The following JAKMIP2 variants were observed in gnomAD, a reference collection of about 807,000 sequenced individuals.
The protein encoded by JAKMIP2 is janus kinase and microtubule-interacting protein 2.
A neutral mutation model predicts 115.0 loss-of-function variants in JAKMIP2; 25 were observed. The observed-to-expected ratio is 0.22, with a 90% confidence interval of 0.16 to 0.30. The LOEUF (loss-of-function observed/expected upper bound fraction) is 0.30, where lower values mean the gene tolerates loss of function less well. JAKMIP2 is among the 10% of genes least tolerant of loss of function. The pLI is 1.00. For missense variants in JAKMIP2, 642 were observed against 957.6 expected (o/e 0.67, Z 4.35); for synonymous variants, 334 against 343.6 (o/e 0.97, Z 0.31).
chr5:147,687,781 T>C (rs1760641904), intron 1 of JAKMIP2, among the ~76,000 whole-genome samples: 1 of 152,214 alleles, frequency 6.6e-6, no homozygotes, highest in Non-Finnish European at 1.5e-5. Context: ...AATAACTCTA[T>C]TGCAATCTTT....
At chr5:147,761,981 T>G (rs180731157) in intron 1 of JAKMIP2, among the ~76,000 whole-genome samples, 4 of 152,156 alleles carry the variant, frequency 2.6e-5, no homozygotes, top group Admixed American at 2.6e-4. Flanking sequence ...AAAATACATA[T>G]GTCTTATGAA....
chr5:147,611,306 C>T (rs1165085920), intron 20 of JAKMIP2, among the ~76,000 whole-genome samples: 3 of 152,160 alleles, frequency 2.0e-5, no homozygotes, highest in African/African-American at 4.8e-5. Context: ...ACCCAGGGCC[C>T]TTGTGGTGTA....
At chr5:147,639,396 GC>G (rs962863773) in intron 10 of JAKMIP2, among the ~76,000 whole-genome samples, 4 of 152,162 alleles carry the variant, frequency 2.6e-5, no homozygotes, top group Non-Finnish European at 5.9e-5. Context: ...TTTTCAAACA[GC>G]AAGAACAAGA....
At chr5:147,644,752 A>G in intron 6 of JAKMIP2, 98 bp downstream of exon 6, 1 of 1,090,340 alleles carries the variant, frequency 9.2e-7, no homozygotes, top group Non-Finnish European at 1.3e-6. Flanking sequence ...TCCAAATAGC[A>G]CTGTATTTTT....
At chr5:147,671,385 T>G (rs1263322842) in intron 2 of JAKMIP2, among the ~76,000 whole-genome samples, 1 of 152,150 alleles carries the variant, frequency 6.6e-6, no homozygotes, top group Non-Finnish European at 1.5e-5. Flanking sequence ...CTATTAAGTG[T>G]TTGGCGGTGG....
chr5:147,664,476 C>T (rs1759194776), intron 2 of JAKMIP2, among the ~76,000 whole-genome samples: 1 of 152,150 alleles, frequency 6.6e-6, no homozygotes, highest in South Asian at 2.1e-4. Flanking sequence ...CACATGCCTG[C>T]ATCTCGTACC....
intron 1 of JAKMIP2, among the ~76,000 whole-genome samples, chr5:147,763,185 T>C (rs771604868): frequency 6.6e-6 from 1 of 152,022 alleles, no homozygotes; most frequent in South Asian, 2.1e-4. Context: ...AGAGGAGAAA[T>C]TGGTAAGGGG....
At chr5:147,663,989 C>T (rs144610999) in intron 2 of JAKMIP2, among the ~76,000 whole-genome samples, 2 of 152,182 alleles carry the variant, frequency 1.3e-5, no homozygotes, top group East Asian at 1.9e-4. Flanking sequence ...AGACTTAGTG[C>T]GAGGTAAAGA....
chr5:147,678,798 C>A (rs1161118755), intron 1 of JAKMIP2, among the ~76,000 whole-genome samples: 1 of 151,776 alleles, frequency 6.6e-6, no homozygotes, highest in Non-Finnish European at 1.5e-5. Flanking sequence ...TATGTATATA[C>A]CTACTACATA....
intron 12 of JAKMIP2, 115 bp from the exon 13 acceptor site, chr5:147,632,893 A>C: frequency 1.6e-6 from 1 of 636,244 alleles, no homozygotes; most frequent in South Asian, 2.3e-5. Flanking sequence ...CATGAAAAAA[A>C]ATCCCCAAAT....
chr5:147,678,912 G>A (rs1439487327), intron 1 of JAKMIP2, among the ~76,000 whole-genome samples: 1 of 151,900 alleles, frequency 6.6e-6, no homozygotes, highest in Non-Finnish European at 1.5e-5. Flanking sequence ...ACTCTGTGCA[G>A]GAAAGTAAAA....
intron 9 of JAKMIP2, 77 bp from the exon 10 acceptor site, chr5:147,639,837 T>C: frequency 6.6e-7 from 1 of 1,518,836 alleles, no homozygotes; most frequent in Non-Finnish European, 8.9e-7. Context: ...TATTAACATT[T>C]GCCCACTTTT....
chr5:147,760,288 T>G (rs902092071), intron 1 of JAKMIP2, among the ~76,000 whole-genome samples: 2 of 151,610 alleles, frequency 1.3e-5, no homozygotes, highest in African/African-American at 4.8e-5. Flanking sequence ...TGCAGATGCA[T>G]GAGATTACCT....
intron 1 of JAKMIP2, among the ~76,000 whole-genome samples, chr5:147,694,620 T>C (rs755313885): frequency 9.9e-5 from 15 of 152,208 alleles, no homozygotes; most frequent in Admixed American, 9.2e-4. Context: ...CTTTTACAAT[T>C]TGATGTGTAA....
chr5:147,769,371 T>C (rs2127070673), intron 1 of JAKMIP2, among the ~76,000 whole-genome samples: 1 of 152,274 alleles, frequency 6.6e-6, no homozygotes, highest in Middle Eastern at 3.4e-3. Flanking sequence ...TGACTGTGCC[T>C]ACCTCCTAAA....
At chr5:147,694,296 C>G (rs1163992863) in intron 1 of JAKMIP2, among the ~76,000 whole-genome samples, 1 of 152,130 alleles carries the variant, frequency 6.6e-6, no homozygotes, top group Non-Finnish European at 1.5e-5. Flanking sequence ...GAGATGTCAG[C>G]AGCTTGCGCT....
At chr5:147,766,665 A>T (rs1021973545) in intron 1 of JAKMIP2, among the ~76,000 whole-genome samples, 2 of 152,302 alleles carry the variant, frequency 1.3e-5, no homozygotes, top group East Asian at 1.9e-4. Flanking sequence ...ACAGCAGTAC[A>T]TGCCCTGAGA....
chr5:147,728,724 T>C (rs755720346), intron 1 of JAKMIP2, among the ~76,000 whole-genome samples: 4 of 152,234 alleles, frequency 2.6e-5, no homozygotes, highest in Non-Finnish European at 5.9e-5. Context: ...AATTATAAGA[T>C]TATTGGTAAA....
rs564182288 is a variant in JAKMIP2 at position 147,757,194 on chromosome 5, T to C, written c.-149+25262A>G. 5.9e-5 allele frequency among the ~76,000 whole-genome samples: 9 copies of C among 152,212 alleles called. No homozygotes were observed. The South Asian group carries it at 1.5e-3, about 25-fold the overall frequency. On this transcript the variant is annotated intron_variant, in intron 1 of 21. Transcript: ENST00000616793. ...ATTCCATTTGTAGGAAATATGACTA[T>C]GAAAAATAACCCAAAGGATAGAGGT...
Sources: gnomAD v4.1 joint callset for allele counts (sites outside exome capture counted in the v4.1 genomes callset) on GRCh38, gnomAD v4.1.1 for gene constraint, MANE v1.5 for transcripts, NCBI Gene and HGNC (gene_info 2026-07-23, HGNC 2026-07-21) for gene names.